Variants in XRCC4 observed in about 807,000 individuals in gnomAD.
XRCC4 encodes X-ray repair cross complementing 4, also known as DNA repair protein XRCC4.
Under a neutral mutation model 39.1 loss-of-function variants are expected in XRCC4, and 28 were observed. The ratio of observed to expected loss-of-function variants is 0.72; its 90% confidence interval spans 0.53 to 0.98. XRCC4 has a LOEUF of 0.98. Ranked by LOEUF, XRCC4 falls within the 50% of genes least tolerant of loss-of-function variation. The pLI, the probability that XRCC4 is intolerant of heterozygous loss-of-function variation, is 0.00. For missense variants in XRCC4, 350 were observed against 376.4 expected (o/e 0.93, Z 0.58); for synonymous variants, 123 against 126.4 (o/e 0.97, Z 0.18).
At chr5:83,199,915 T>G (rs1246815283) in intron 4 of XRCC4, among the ~76,000 whole-genome samples, 2 of 152,148 alleles carry the variant, frequency 1.3e-5, no homozygotes, top group Non-Finnish European at 2.9e-5. Flanking sequence ...TATTTGTGAT[T>G]TCGTCCCAAT....
At chr5:83,263,195 T>TC (rs1753825496) in intron 7 of XRCC4, among the ~76,000 whole-genome samples, 1 of 150,776 alleles carries the variant, frequency 6.6e-6, no homozygotes, top group Non-Finnish European at 1.5e-5. Context: ...TATGGCTGCA[T>TC]AGTATTCCAT....
the XRCC4 span, among the ~76,000 whole-genome samples, chr5:83,366,694 CT>C: frequency 6.6e-6 from 1 of 152,198 alleles, no homozygotes; most frequent in Non-Finnish European, 1.5e-5. Flanking sequence ...GTTTTCCCCT[CT>C]TTTTGCTTCA....
chr5:83,126,282 T>C (rs1747261861), intron 3 of XRCC4, among the ~76,000 whole-genome samples: 1 of 152,098 alleles, frequency 6.6e-6, no homozygotes, highest in Non-Finnish European at 1.5e-5. Context: ...TTATAAGTGG[T>C]ATTATATTTT....
the XRCC4 span, among the ~76,000 whole-genome samples, chr5:83,362,035 T>G: frequency 1.3e-5 from 2 of 152,088 alleles, no homozygotes; most frequent in Admixed American, 1.3e-4. Context: ...TGCTCATCTC[T>G]TTTTATCAAA....
chr5:83,242,148 C>T (rs1335624797), intron 6 of XRCC4, among the ~76,000 whole-genome samples: 2 of 143,204 alleles, frequency 1.4e-5, no homozygotes, highest in Admixed American at 7.3e-5. Flanking sequence ...GCCCAAGGGT[C>T]ACTCGTATAC....
intron 3 of XRCC4, among the ~76,000 whole-genome samples, chr5:83,188,220 G>C (rs1024109149): frequency 6.6e-6 from 1 of 152,066 alleles, no homozygotes; most frequent in African/African-American, 2.4e-5. Context: ...AGGGGCTGTG[G>C]TCTCATCTCA....
intron 6 of XRCC4, among the ~76,000 whole-genome samples, chr5:83,221,293 C>T (rs1752074899): frequency 6.6e-6 from 1 of 152,050 alleles, no homozygotes; most frequent in African/African-American, 2.4e-5. Flanking sequence ...CTTAACAATT[C>T]TATGAGGTAT....
At chr5:83,211,106 T>G (rs1407471641) in intron 6 of XRCC4, among the ~76,000 whole-genome samples, 1 of 152,164 alleles carries the variant, frequency 6.6e-6, no homozygotes, top group East Asian at 1.9e-4. Context: ...AATAAGTACT[T>G]CCAAACATGG....
the XRCC4 span, among the ~76,000 whole-genome samples, chr5:83,365,328 G>A: frequency 3.4e-3 from 513 of 152,204 alleles, 16 homozygotes; most frequent in East Asian, 0.077. Flanking sequence ...CTAGAATCTG[G>A]GAATTAGATG....
At chr5:83,097,886 A>T (rs1745753242) in intron 1 of XRCC4, among the ~76,000 whole-genome samples, 1 of 152,136 alleles carries the variant, frequency 6.6e-6, no homozygotes, top group African/African-American at 2.4e-5. Flanking sequence ...GTGGCCGCTC[A>T]ATGAATATGA....
chr5:83,171,530 G>A (rs1189173188), intron 3 of XRCC4, among the ~76,000 whole-genome samples: 2 of 152,000 alleles, frequency 1.3e-5, no homozygotes, highest in African/African-American at 4.8e-5. Flanking sequence ...TTAGAAATCT[G>A]GGTATACTGG....
chr5:83,336,136 C>T (rs1756587251), intron 7 of XRCC4, among the ~76,000 whole-genome samples: 1 of 151,998 alleles, frequency 6.6e-6, no homozygotes, highest in Non-Finnish European at 1.5e-5. Flanking sequence ...AAAGAATATA[C>T]TTTAGCCATT....
At chr5:83,112,413 A>G (rs535242343) in intron 3 of XRCC4, among the ~76,000 whole-genome samples, 2 of 152,344 alleles carry the variant, frequency 1.3e-5, no homozygotes, top group South Asian at 2.1e-4. Context: ...TGTAACAACT[A>G]GCATTATTTT....
At chr5:83,080,558 A>G (rs1340835776) in intron 1 of XRCC4, among the ~76,000 whole-genome samples, 1 of 152,006 alleles carries the variant, frequency 6.6e-6, no homozygotes, top group African/African-American at 2.4e-5. Flanking sequence ...GAAATAATGC[A>G]TACATTTTAA....
chr5:83,166,992 C>T (rs376655323), intron 3 of XRCC4, among the ~76,000 whole-genome samples: 2 of 151,960 alleles, frequency 1.3e-5, no homozygotes, highest in South Asian at 2.1e-4. Flanking sequence ...AACAATTCTC[C>T]TGCCTCAGCC....
At chr5:83,179,188 T>G (rs1383055972) in intron 3 of XRCC4, among the ~76,000 whole-genome samples, 4 of 152,226 alleles carry the variant, frequency 2.6e-5, no homozygotes, top group African/African-American at 9.6e-5. Flanking sequence ...CATTATCTGT[T>G]ATTTCTCTTC....
intron 3 of XRCC4, among the ~76,000 whole-genome samples, chr5:83,119,916 G>A (rs1746916770): frequency 1.3e-5 from 2 of 151,114 alleles, no homozygotes; most frequent in Non-Finnish European, 2.9e-5. Flanking sequence ...GTTTGAGGCT[G>A]CAGTGAGATA....
intron 7 of XRCC4, among the ~76,000 whole-genome samples, chr5:83,335,923 G>T (rs995331201): frequency 6.6e-6 from 1 of 151,988 alleles, no homozygotes; most frequent in Non-Finnish European, 1.5e-5. Context: ...TCTCCTGTAT[G>T]TGGAAAACTA....
chr5:83,354,760 C>A (rs560526733), downstream of XRCC4, among the ~76,000 whole-genome samples: 5 of 152,230 alleles, frequency 3.3e-5, no homozygotes, highest in East Asian at 9.7e-4. Context: ...CAGGAATCTT[C>A]CTTGGTGTCT....
Sources: gnomAD v4.1 joint callset for allele counts (sites outside exome capture counted in the v4.1 genomes callset) on GRCh38, gnomAD v4.1.1 for gene constraint, MANE v1.5 for transcripts, NCBI Gene and HGNC (gene_info 2026-07-23, HGNC 2026-07-21) for gene names.